Variants in DNAJC1 observed in about 807,000 individuals in gnomAD.
DNAJC1 encodes DnaJ heat shock protein family (Hsp40) member C1.
A neutral mutation model predicts 76.6 loss-of-function variants in DNAJC1; 58 were observed. That is an observed-to-expected ratio of 0.76 (90% CI 0.61 to 0.94). The LOEUF is 0.94. Among genes scored for constraint, DNAJC1 ranks in the 40% least tolerant of loss-of-function variants. The probability of loss-of-function intolerance (pLI) is 0.00; values close to 1 mark genes in which losing one functional copy is unlikely to be tolerated. For synonymous variants in DNAJC1, 258 were observed against 267.9 expected, an observed-to-expected ratio of 0.96 and a Z score of 0.36; for missense variants, 689 against 677.3, an observed-to-expected ratio of 1.02 and a Z score of -0.19.
At chr10:21,836,970 A>G (rs370427141) in intron 8 of DNAJC1, among the ~76,000 whole-genome samples, 5,434 of 152,240 alleles carry the variant, frequency 0.036, 172 homozygotes, top group African/African-American at 0.071. Flanking sequence ...AGCCGAAGCT[A>G]GACTGTACTG....
intron 1 of DNAJC1, among the ~76,000 whole-genome samples, chr10:21,944,825 T>C (rs912532442): frequency 5.3e-5 from 8 of 152,078 alleles, no homozygotes; most frequent in African/African-American, 1.7e-4. Context: ...ATGAATTAGA[T>C]TGGGGGTAAG....
chr10:21,765,955 A>G (rs772171776), intron 10 of DNAJC1, among the ~76,000 whole-genome samples: 4 of 152,240 alleles, frequency 2.6e-5, no homozygotes, highest in South Asian at 2.1e-4. Flanking sequence ...CAGTGTGCAC[A>G]TAGCATTTGC....
At chr10:21,787,778 A>T (rs1318025889) in intron 9 of DNAJC1, among the ~76,000 whole-genome samples, 1 of 152,158 alleles carries the variant, frequency 6.6e-6, no homozygotes, top group African/African-American at 2.4e-5. Context: ...TACAGGCCTC[A>T]CCACTGGGGT....
chr10:21,759,685 A>G, intron 10 of DNAJC1, 67 bp from the exon 11 acceptor site: 1 of 1,496,048 alleles, frequency 6.7e-7, no homozygotes. Context: ...TGAGAACAGC[A>G]GCTGCCGGGC....
intron 1 of DNAJC1, among the ~76,000 whole-genome samples, chr10:21,981,350 G>A (rs16921970): frequency 0.016 from 2,392 of 152,120 alleles, 28 homozygotes; most frequent in Non-Finnish European, 0.019. Flanking sequence ...TACCATTTGC[G>A]GTGTACTATA....
rs150223194 is a variant in DNAJC1, at chr10:21,839,839, G to A, written c.979-33740C>T. ...ACCAATATCCTTGATGAACATCGAT[G>A]CAAAAATCCTCAGTAACATACTGGC... On this transcript the variant is annotated intron_variant, in intron 8 of 11. Transcript: ENST00000376980. Among the ~76,000 whole-genome samples the A allele has an allele frequency of 5.7e-3, 862 of 152,302 alleles. 7 individuals carry two copies. The highest frequency in any genetic ancestry group is 0.019 in the African/African-American group (803 of 41,556).
chr10:21,954,878 A>C (rs1837653934), intron 1 of DNAJC1, among the ~76,000 whole-genome samples: 2 of 152,210 alleles, frequency 1.3e-5, no homozygotes, highest in Non-Finnish European at 2.9e-5. Context: ...CACAGTTAGT[A>C]GTGTGGCTAT....
At chr10:21,787,681 T>G (rs1834629520) in intron 9 of DNAJC1, among the ~76,000 whole-genome samples, 1 of 152,132 alleles carries the variant, frequency 6.6e-6, no homozygotes, top group Non-Finnish European at 1.5e-5. Flanking sequence ...CCAGCCAGGA[T>G]CAGCTGGGAA....
At chr10:21,816,192 AC>A (rs1488761993) in intron 8 of DNAJC1, among the ~76,000 whole-genome samples, 1 of 148,848 alleles carries the variant, frequency 6.7e-6, no homozygotes. Context: ...ACATGGTGAA[AC>A]CCTGTCTCTA....
At chr10:21,998,429 G>A (rs1380621981) in intron 1 of DNAJC1, among the ~76,000 whole-genome samples, 1 of 148,686 alleles carries the variant, frequency 6.7e-6, no homozygotes, top group Non-Finnish European at 1.5e-5. Context: ...AATTGCCACT[G>A]ACCCCACAAG....
At chr10:21,828,607 T>C (rs1203130044) in intron 8 of DNAJC1, among the ~76,000 whole-genome samples, 1 of 152,198 alleles carries the variant, frequency 6.6e-6, no homozygotes, top group African/African-American at 2.4e-5. Context: ...TAATAAATCC[T>C]CATGTACCCA....
At chr10:21,813,297 C>T (rs1835019816) in intron 8 of DNAJC1, among the ~76,000 whole-genome samples, 3 of 147,824 alleles carry the variant, frequency 2.0e-5, no homozygotes, top group Non-Finnish European at 3.0e-5. Flanking sequence ...CTAGGGGAAG[C>T]CAACTGCCAA....
chr10:21,991,897 C>G (rs111234137), intron 1 of DNAJC1, among the ~76,000 whole-genome samples: 1 of 152,150 alleles, frequency 6.6e-6, no homozygotes, highest in Non-Finnish European at 1.5e-5. Context: ...AATCTCAATA[C>G]AGATCAAGTA....
intron 1 of DNAJC1, among the ~76,000 whole-genome samples, chr10:21,980,181 T>C (rs1048753004): frequency 2.2e-4 from 34 of 152,070 alleles, no homozygotes; most frequent in African/African-American, 4.6e-4. Context: ...AATCCAGATA[T>C]TGAACAAACT....
Position 22,003,298 on chromosome 10 carries a change from C to G in DNAJC1, c.137G>C (p.Arg46Pro), listed in dbSNP as rs773969986. ...LLLLAAVAPA[R>P]GWESGDLELF... Reference sequence around the variant, plus strand: ...CTCCAGGTCTCCGCTCTCCCAGCCGCGCGCCGGCGCCACGGCGGCCAGCAG... The same window carrying G: ...CTCCAGGTCTCCGCTCTCCCAGCCGGGCGCCGGCGCCACGGCGGCCAGCAG... Residue 46 changes from arginine to proline, a missense_variant, in exon 1 of 12, where the codon CGC (arginine) becomes CCC (proline). Coordinates refer to ENST00000376980, the MANE Select transcript of DNAJC1 (RefSeq NM_022365.4). The G allele has an allele frequency of 1.3e-6, 2 of 1,530,284 alleles. No homozygotes were observed. The highest frequency in any genetic ancestry group is 2.5e-5 in the South Asian group (2 of 81,254). 94.8% of individuals were successfully genotyped at this position (1,530,284 alleles called of 1,614,324 possible).
chr10:21,762,885 G>C (rs537592456), intron 10 of DNAJC1, among the ~76,000 whole-genome samples: 28 of 152,166 alleles, frequency 1.8e-4, no homozygotes, highest in African/African-American at 6.3e-4. Context: ...ACATTGTTTT[G>C]GCCATAGAAT....
chr10:21,808,601 T>C (rs1184207829), intron 8 of DNAJC1, among the ~76,000 whole-genome samples: 1 of 152,202 alleles, frequency 6.6e-6, no homozygotes, highest in Non-Finnish European at 1.5e-5. Flanking sequence ...CTTTGGTGAA[T>C]GTGTAATTCC....
chr10:21,842,048 G>A (rs561913687), intron 8 of DNAJC1, among the ~76,000 whole-genome samples: 3 of 139,812 alleles, frequency 2.1e-5, no homozygotes, highest in South Asian at 2.3e-4. Flanking sequence ...ACTGAACAAT[G>A]AGAACACATG....
chr10:21,853,626 T>C (rs1455233287), intron 8 of DNAJC1, among the ~76,000 whole-genome samples: 1 of 151,524 alleles, frequency 6.6e-6, no homozygotes, highest in Non-Finnish European at 1.5e-5. Context: ...AAACCCTGTC[T>C]CTCCTAAAAA....
Sources: allele counts gnomAD v4.1 joint callset (sites outside exome capture counted in the v4.1 genomes callset), GRCh38; gene constraint gnomAD v4.1.1; transcripts MANE v1.5; gene names NCBI Gene and HGNC (gene_info 2026-07-23, HGNC 2026-07-21).